CTCFL: variants seen among roughly 807,000 people sequenced by gnomAD.
CTCFL encodes the protein CCCTC-binding factor like.
A neutral mutation model predicts 67.4 loss-of-function variants in CTCFL; 36 were observed. The observed-to-expected ratio is 0.53, with a 90% confidence interval of 0.41 to 0.71. The LOEUF (loss-of-function observed/expected upper bound fraction) is 0.71. Ranked by LOEUF, CTCFL falls within the 30% of genes least tolerant of loss-of-function variation. CTCFL has a pLI of 0.00. For synonymous variants in CTCFL, 324 were observed against 302.3 expected, an observed-to-expected ratio of 1.07 and a Z score of -0.75; for missense variants, 786 against 835.2, an observed-to-expected ratio of 0.94 and a Z score of 0.73.
Position 57,523,016 on chromosome 20 carries a change from A to C in CTCFL, c.754+52T>G, listed in dbSNP as rs1340824297. On this transcript the variant is annotated intron_variant, in intron 3 of 10. Coordinates refer to ENST00000243914, the MANE Select transcript of CTCFL (RefSeq NM_001386993.1). ...AATTACCATCACCTGCCCATAAAGA[A>C]AAACAGCAGCCCAGTTTTAGGGAGT... The C allele has an allele frequency of 3.6e-6, 5 of 1,387,558 alleles. No individual in the cohort carries two copies. The East Asian group carries it at 9.9e-5, about 27-fold the overall frequency. The allele number at this position is 1,387,558 out of a possible 1,614,324, so 86.0% of individuals were successfully genotyped here.
At chr20:57,496,075 T>C (rs2067721802), downstream of CTCFL, 2 of 399,330 alleles carry the variant, frequency 5.0e-6, no homozygotes, top group Non-Finnish European at 8.8e-6. Context: ...TCATGTTGAA[T>C]TGTAATCCCC....
At chr20:57,519,083 AAAG>A (rs576502996) in intron 4 of CTCFL, 121 bp downstream of exon 4, 6 of 1,246,430 alleles carry the variant, frequency 4.8e-6, no homozygotes, top group Non-Finnish European at 6.6e-6. Context: ...AATTCAAGAA[AAAG>A]AAGACAAAAC....
At chr20:57,524,721 C>G in intron 1 of CTCFL, 1 of 997,834 alleles carries the variant, frequency 1.0e-6, no homozygotes, top group Non-Finnish European at 1.2e-6. Flanking sequence ...CAGGCATTCC[C>G]CTCGTGCACG....
chr20:57,521,039 T>C (rs908980083), intron 3 of CTCFL, among the ~76,000 whole-genome samples: 3 of 152,384 alleles, frequency 2.0e-5, no homozygotes, highest in Admixed American at 1.3e-4. Context: ...GCACGACTGC[T>C]GGCAATATCA....
chr20:57,496,571 AAAC>A (rs1209818378), downstream of CTCFL, among the ~76,000 whole-genome samples: 3 of 152,184 alleles, frequency 2.0e-5, no homozygotes, highest in Non-Finnish European at 4.4e-5. Context: ...CATCCCAAAT[AAAC>A]TGTGTCCACT....
chr20:57,515,820 C>T lies in CTCFL; in HGVS notation c.1074G>A (p.Lys358=), dbSNP rs1245641445. Residue 358 remains lysine (K), a synonymous_variant, in exon 6 of 11, where the codon AAG becomes AAA. Transcript: ENST00000243914. The part of the protein sequence containing the change: ...KYASVEASKL[K]RHVRSHTGER... Reference sequence around the variant, plus strand: ...CCCCAGTGTGGGATCGGACATGGCGCTTCAATTTACTTGCCTAATAAATAC... The same window carrying T: ...CCCCAGTGTGGGATCGGACATGGCGTTTCAATTTACTTGCCTAATAAATAC... The T allele has an allele frequency of 6.2e-7, 1 of 1,608,178 alleles. No individual in the cohort carries two copies. The highest frequency in any genetic ancestry group is 1.7e-5 in the Admixed American group (1 of 58,428).
chr20:57,498,537 AC>A lies in CTCFL; in HGVS notation c.*12del. 1 of 1,608,068 alleles carries A rather than the reference AC, an allele frequency of 6.2e-7. No individual in the cohort carries two copies. Among genetic ancestry groups the A allele is most frequent in the African/African-American group, 1.3e-5 (1 of 74,888 alleles). ...AGGAATTGGGGGCAGTGAACACGCA[AC>A]CCGAATCCCTCTCACTTATCCATCG... On this transcript the variant is annotated 3_prime_UTR_variant, in exon 11 of 11. Transcript: ENST00000243914.
chr20:57,510,739 T>A (rs1369887160), intron 8 of CTCFL, among the ~76,000 whole-genome samples: 1 of 152,192 alleles, frequency 6.6e-6, no homozygotes, highest in Non-Finnish European at 1.5e-5. Flanking sequence ...GGGGGCCGCC[T>A]GTAGTCCCAG....
rs1476308330 is a variant in CTCFL, at chr20:57,524,202, C to A, written c.4G>T (p.Ala2Ser). 10 of 1,611,894 alleles carry A rather than the reference C, an allele frequency of 6.2e-6. No individual in the cohort carries two copies. In the South Asian group the frequency reaches 9.9e-5, roughly 16 times the overall value. M[A>S]ATEISVLSEQ... ...GAAAGGACAGAGATCTCAGTGGCTG[C>A]CATAATGACTTGGCCTGTTTGAAAA... The change falls in exon 2 of 11, where the codon GCA becomes TCA. Residue 2 changes from alanine (A) to serine (S), a missense_variant. By Grantham distance (99) the Ala-to-Ser change is moderately conservative. This residue lies in a region of CTCFL where 333 missense variants were observed against 304.6 expected (regional missense o/e 1.09). Transcript: ENST00000243914.
chr20:57,511,269 A>C (rs1225969960), intron 8 of CTCFL, among the ~76,000 whole-genome samples: 1 of 152,018 alleles, frequency 6.6e-6, no homozygotes, highest in Admixed American at 6.6e-5. Context: ...TGAATTCCTG[A>C]GCTCAACAGT....
At chr20:57,505,386 G>A (rs1455788552) in intron 9 of CTCFL, among the ~76,000 whole-genome samples, 1 of 151,686 alleles carries the variant, frequency 6.6e-6, no homozygotes, top group Admixed American at 6.6e-5. Context: ...CTCCCGAGTA[G>A]CTGGGACTAC....
chr20:57,516,049 C>A (rs983264307), intron 5 of CTCFL, among the ~76,000 whole-genome samples: 3 of 152,084 alleles, frequency 2.0e-5, no homozygotes, highest in Non-Finnish European at 2.9e-5. Flanking sequence ...TGTATAAGCT[C>A]CTTTAGGGAA....
chr20:57,508,483 C>A, intron 9 of CTCFL, 123 bp downstream of exon 9: 1 of 874,024 alleles, frequency 1.1e-6, no homozygotes, highest in South Asian at 1.9e-5. Flanking sequence ...TAAGGCATGA[C>A]AGATGCTCCT....
chr20:57,514,272 C>T (rs2068754729), intron 7 of CTCFL, among the ~76,000 whole-genome samples: 1 of 152,208 alleles, frequency 6.6e-6, no homozygotes, highest in Non-Finnish European at 1.5e-5. Context: ...AGGCAGGTTA[C>T]TCTATGTCTC....
intron 6 of CTCFL, 71 bp from the exon 7 acceptor site, chr20:57,514,812 T>TG: frequency 1.4e-6 from 2 of 1,432,236 alleles, no homozygotes; most frequent in Non-Finnish European, 1.8e-6. Flanking sequence ...GTGCTGAAAG[T>TG]GTTTTTTTTT....
chr20:57,513,369 G>A, intron 7 of CTCFL: 1 of 986,748 alleles, frequency 1.0e-6, no homozygotes, highest in Non-Finnish European at 1.2e-6. Context: ...TGATACTTGT[G>A]TAAGAAGCCA....
rs2067749924 is a variant in CTCFL, at chr20:57,497,941, T to A, written c.*609A>T. On this transcript the variant is annotated 3_prime_UTR_variant, in exon 11 of 11. Transcript: ENST00000243914. The stretch of plus-strand genomic sequence containing the variant: ...TCTAATCTAGTATTTCATTTCCTAC[T>A]CAGTTTTCCTTTTTATAAGAGTAAA... 1 of 944,460 alleles carries A rather than the reference T, an allele frequency of 1.1e-6. No individual in the cohort carries two copies. Among genetic ancestry groups the A allele is most frequent in the African/African-American group, 1.8e-5 (1 of 56,234 alleles). The allele number at this position is 944,460 out of a possible 1,614,324, so 58.5% of individuals were successfully genotyped here.
chr20:57,501,115 A>C (rs142030785), intron 10 of CTCFL, among the ~76,000 whole-genome samples: 1 of 152,280 alleles, frequency 6.6e-6, no homozygotes, highest in African/African-American at 2.4e-5. Context: ...TCGTTTATTC[A>C]ACAAGTGGTG....
intron 3 of CTCFL, among the ~76,000 whole-genome samples, chr20:57,522,833 T>C (rs780426959): frequency 1.4e-4 from 22 of 152,250 alleles, no homozygotes; most frequent in Admixed American, 3.9e-4. Context: ...TATGCTTACG[T>C]GCACAAGGCT....
Sources: allele counts gnomAD v4.1 joint callset (sites outside exome capture counted in the v4.1 genomes callset), GRCh38; gene constraint gnomAD v4.1.1; regional missense constraint gnomAD v4.1.1; transcripts MANE v1.5; gene names NCBI Gene and HGNC (gene_info 2026-07-23, HGNC 2026-07-21).